GABRG3: variants seen among roughly 807,000 people sequenced by gnomAD.
The protein encoded by GABRG3 is gamma-aminobutyric acid type A receptor subunit gamma3, also known as gamma-aminobutyric acid receptor subunit gamma-3.
In GABRG3, 25 loss-of-function variants were observed where a neutral mutation model predicts 48.8. The ratio of observed to expected loss-of-function variants is 0.51; its 90% CI spans 0.37 to 0.72. GABRG3 has a LOEUF of 0.72. Among genes scored for constraint, GABRG3 ranks in the 30% least tolerant of loss-of-function variants. The pLI is 0.00. For synonymous variants in GABRG3, 227 were observed against 217.6 expected (o/e 1.04, Z -0.38); for missense variants, 394 against 577.9 (o/e 0.68, Z 3.26).
At chr15:27,112,691 C>T (rs1171041180) in intron 3 of GABRG3, among the ~76,000 whole-genome samples, 3 of 152,228 alleles carry the variant, frequency 2.0e-5, no homozygotes, top group Admixed American at 1.3e-4. Context: ...ATGCCCTCCT[C>T]GGCCTCCCAA....
At chr15:27,307,891 A>AAT (rs547765318) in intron 3 of GABRG3, among the ~76,000 whole-genome samples, 1 of 133,776 alleles carries the variant, frequency 7.5e-6, no homozygotes, top group Non-Finnish European at 1.5e-5. Context: ...TTATATATAA[A>AAT]ATATATATAA....
In GABRG3 at chr15:27,308,305, T is replaced by C. The variant is rs1304240487; in HGVS notation, c.271-18504T>C. Among the ~76,000 whole-genome samples the C allele has an allele frequency of 7.1e-5, 9 of 127,300 alleles. No individual in the cohort carries two copies. The East Asian group carries it at 2.1e-3, about 30-fold the overall frequency. 83.5% of individuals were successfully genotyped at this position (127,300 alleles called of 152,430 possible). ...CATACGTTTATATATAAACATCATA[T>C]AAACATATATAAACATACGTTTATA... is the stretch of plus-strand genomic sequence containing the variant. On this transcript the variant is annotated intron_variant, in intron 3 of 9. Transcript: ENST00000615808.
In GABRG3 at chr15:27,322,093, A is replaced by G. The variant is rs114954907; in HGVS notation, c.271-4716A>G. On this transcript the variant is annotated intron_variant, in intron 3 of 9. Coordinates refer to ENST00000615808, the MANE Select transcript of GABRG3 (RefSeq NM_033223.5). ...TTATTTTCAGATAGACATTGTAAGA[A>G]TTTTTTTTCTTTGCAAAAAGGAAGG... is the stretch of plus-strand genomic sequence containing the variant. Among the ~76,000 whole-genome samples, 989 of 152,258 alleles carry G rather than the reference A, an allele frequency of 6.5e-3. 9 individuals carry two copies. Among genetic ancestry groups the G allele is most frequent in the African/African-American group, 0.023 (966 of 41,530 alleles).
chr15:27,237,900 C>A (rs1890023355), intron 3 of GABRG3, among the ~76,000 whole-genome samples: 1 of 152,152 alleles, frequency 6.6e-6, no homozygotes. Flanking sequence ...TAATATGTGT[C>A]TGTAAATTTA....
intron 5 of GABRG3, among the ~76,000 whole-genome samples, chr15:27,477,962 C>T (rs1020322844): frequency 7.9e-5 from 12 of 151,378 alleles, no homozygotes; most frequent in East Asian, 5.8e-4. Flanking sequence ...AGGAGAATGG[C>T]GTGAACCCGG....
chr15:27,020,639 G>A (rs896634448), intron 2 of GABRG3, among the ~76,000 whole-genome samples: 2 of 151,592 alleles, frequency 1.3e-5, no homozygotes, highest in African/African-American at 2.4e-5. Context: ...GGATGGTCTC[G>A]ATCTCCCGAC....
At chr15:27,307,873 GTA>G (rs1491555994) in intron 3 of GABRG3, among the ~76,000 whole-genome samples, 8 of 32,696 alleles carry the variant, frequency 2.4e-4, no homozygotes, top group South Asian at 8.3e-4. Flanking sequence ...ATATATAAAT[GTA>G]TATGTTTATA....
intron 3 of GABRG3, among the ~76,000 whole-genome samples, chr15:27,210,655 A>G (rs1161393453): frequency 3.3e-5 from 5 of 152,200 alleles, no homozygotes; most frequent in Non-Finnish European, 7.3e-5. Flanking sequence ...GCACTCAGTG[A>G]TGGTTTATGT....
intron 2 of GABRG3, among the ~76,000 whole-genome samples, chr15:26,979,178 G>A (rs1009866077): frequency 6.6e-6 from 1 of 152,156 alleles, no homozygotes; most frequent in Non-Finnish European, 1.5e-5. Flanking sequence ...ATGTTGATGT[G>A]TTCTCTGACT....
chr15:27,083,495 G>C (rs1007941258), intron 3 of GABRG3, among the ~76,000 whole-genome samples: 2 of 152,002 alleles, frequency 1.3e-5, no homozygotes, highest in Admixed American at 1.3e-4. Flanking sequence ...ATCATGCCTG[G>C]CTAATTTTTA....
At chr15:27,530,703 C>T (rs911530280) in intron 9 of GABRG3, 1 of 470,962 alleles carries the variant, frequency 2.1e-6, no homozygotes, top group Non-Finnish European at 4.4e-6. Flanking sequence ...CCTTCTGCCT[C>T]CCCGTCTAAG....
At chr15:27,259,932 G>A (rs1011919436) in intron 3 of GABRG3, among the ~76,000 whole-genome samples, 1 of 152,152 alleles carries the variant, frequency 6.6e-6, no homozygotes, top group Non-Finnish European at 1.5e-5. Context: ...AAATTCAGCT[G>A]TGAATGGAAA....
chr15:27,487,502 A>G (rs969128706), intron 6 of GABRG3, among the ~76,000 whole-genome samples: 3 of 152,186 alleles, frequency 2.0e-5, no homozygotes, highest in Admixed American at 6.5e-5. Flanking sequence ...TGTAGCTAGC[A>G]TTAGACCCTC....
chr15:27,127,382 A>G (rs887385529), intron 3 of GABRG3, among the ~76,000 whole-genome samples: 1 of 147,232 alleles, frequency 6.8e-6, no homozygotes, highest in Non-Finnish European at 1.5e-5. Context: ...ACTTTTATGA[A>G]ATACTTAGAG....
rs141607178 is a variant in GABRG3 at position 27,243,456 on chromosome 15, G to A, written c.271-83353G>A. ...ACACATCATGCTTCAGGTATACCCT[G>A]CTTGCAGGGGACGCTGGAGGCAAAC... On this transcript the variant is annotated intron_variant, in intron 3 of 9. Coordinates refer to ENST00000615808, the MANE Select transcript of GABRG3 (RefSeq NM_033223.5). Among the ~76,000 whole-genome samples, 44 of 152,200 alleles carry A rather than the reference G, an allele frequency of 2.9e-4. No homozygotes were observed. In the East Asian group the frequency reaches 8.6e-3, roughly 30 times the overall value.
Position 27,179,081 on chromosome 15 carries a change from T to C in GABRG3, c.271-147728T>C, listed in dbSNP as rs1887839207. Among the ~76,000 whole-genome samples the C allele has an allele frequency of 1.3e-5, 2 of 152,292 alleles. No homozygotes were observed. The highest frequency in any genetic ancestry group is 4.1e-4 in the South Asian group (2 of 4,820). On this transcript the variant is annotated intron_variant, in intron 3 of 9. Transcript: ENST00000615808. The surrounding 1 kb of genome is among the most constrained non-coding windows in gnomAD (Gnocchi z 4.0). ...GAGGAAAACTTTTCTTTTTGGGGCCTTCATTTTGGGTTATAGTTTTCTATC... is the reference window on the plus strand; with the variant it reads ...GAGGAAAACTTTTCTTTTTGGGGCCCTCATTTTGGGTTATAGTTTTCTATC...
chr15:27,122,604 C>G (rs995398076), intron 3 of GABRG3, among the ~76,000 whole-genome samples: 7 of 152,154 alleles, frequency 4.6e-5, no homozygotes, highest in African/African-American at 1.7e-4. Flanking sequence ...AACATGATTT[C>G]AGGGAAACTC....
chr15:27,283,798 A>T (rs1300654193), intron 3 of GABRG3, among the ~76,000 whole-genome samples: 1 of 152,132 alleles, frequency 6.6e-6, no homozygotes, highest in Non-Finnish European at 1.5e-5. Context: ...GAGTCCTTGG[A>T]TCTCTAGCCC....
intron 3 of GABRG3, among the ~76,000 whole-genome samples, chr15:27,252,188 G>A (rs541161039): frequency 3.9e-5 from 6 of 152,238 alleles, no homozygotes; most frequent in East Asian, 3.9e-4. Flanking sequence ...CCTGAGAGAC[G>A]GGGGGTGGCC....
Sources: gnomAD v4.1 joint callset for allele counts (sites outside exome capture counted in the v4.1 genomes callset) on GRCh38, gnomAD v4.1.1 for gene constraint, Gnocchi (gnomAD v3.1) non-coding constraint, MANE v1.5 for transcripts, NCBI Gene and HGNC (gene_info 2026-07-23, HGNC 2026-07-21) for gene names.